BMPR1B: variants seen among roughly 807,000 people sequenced by gnomAD.
BMPR1B encodes the protein bone morphogenetic protein receptor type-1B.
In BMPR1B, 12 loss-of-function variants were observed where a neutral mutation model predicts 59.1. The ratio of observed to expected loss-of-function variants is 0.20; its 90% CI spans 0.13 to 0.33. The LOEUF (loss-of-function observed/expected upper bound fraction) is 0.33, where lower values mean the gene tolerates loss of function less well. Ranked by LOEUF, BMPR1B falls within the 10% of genes least tolerant of loss-of-function variation. The pLI is 1.00. For synonymous variants in BMPR1B, 237 were observed against 207.3 expected, an observed-to-expected ratio of 1.14 and a Z score of -1.23; for missense variants, 550 against 610.9, an observed-to-expected ratio of 0.90 and a Z score of 1.05.
At chr4:95,051,105 G>A (rs1355541188) in intron 3 of BMPR1B, among the ~76,000 whole-genome samples, 3 of 152,244 alleles carry the variant, frequency 2.0e-5, no homozygotes, top group African/African-American at 7.2e-5. Flanking sequence ...TCATATCTGT[G>A]CACTTGATTC....
At chr4:94,770,186 G>GTTTTTTTTT (rs56902521) in intron 1 of BMPR1B, among the ~76,000 whole-genome samples, 2 of 54,138 alleles carry the variant, frequency 3.7e-5, no homozygotes, top group African/African-American at 6.3e-5. Flanking sequence ...TTCTGTGTTT[G>GTTTTTTTTT]TTTTTTTTTT....
At chr4:94,760,609 C>T (rs1406262876) in intron 1 of BMPR1B, among the ~76,000 whole-genome samples, 1 of 152,190 alleles carries the variant, frequency 6.6e-6, no homozygotes, top group Non-Finnish European at 1.5e-5. Context: ...TTTTCAGAAG[C>T]CCCCTCACCA....
intron 3 of BMPR1B, among the ~76,000 whole-genome samples, chr4:95,098,444 C>T (rs1431909171): frequency 1.3e-5 from 2 of 152,058 alleles, no homozygotes; most frequent in Non-Finnish European, 2.9e-5. Context: ...GTATAAATAC[C>T]TTTGCATAAT....
intron 2 of BMPR1B, among the ~76,000 whole-genome samples, chr4:94,887,422 A>C (rs1176044955): frequency 6.7e-6 from 1 of 150,232 alleles, no homozygotes; most frequent in African/African-American, 2.4e-5. Flanking sequence ...AAAAAAAAAA[A>C]ACAAGAAGCA....
chr4:94,953,953 T>C (rs1246404099), intron 2 of BMPR1B, among the ~76,000 whole-genome samples: 1 of 152,190 alleles, frequency 6.6e-6, no homozygotes, highest in Non-Finnish European at 1.5e-5. Context: ...TTGGAGGCTT[T>C]GTTCATTCCT....
intron 2 of BMPR1B, among the ~76,000 whole-genome samples, chr4:94,993,847 C>T (rs1286164374): frequency 6.7e-6 from 1 of 150,086 alleles, no homozygotes; most frequent in East Asian, 1.9e-4. Flanking sequence ...TGTGAGGCAG[C>T]GAGATGGAAA....
intron 3 of BMPR1B, among the ~76,000 whole-genome samples, chr4:95,055,527 A>G (rs1726856727): frequency 6.6e-6 from 1 of 152,214 alleles, no homozygotes; most frequent in Non-Finnish European, 1.5e-5. Flanking sequence ...AATGTTTTCT[A>G]CTACAGCTAT....
At chr4:94,825,133 G>A (rs1261471213) in intron 1 of BMPR1B, among the ~76,000 whole-genome samples, 1 of 152,128 alleles carries the variant, frequency 6.6e-6, no homozygotes, top group Non-Finnish European at 1.5e-5. Context: ...TTGTGGATGG[G>A]AGTTCATCGC....
chr4:94,942,101 T>A lies in BMPR1B; in HGVS notation c.-112-53939T>A, dbSNP rs914870508. 4.6e-5 allele frequency among the ~76,000 whole-genome samples: 7 copies of A among 152,344 alleles called. 1 individual carries two copies. In the East Asian group the frequency reaches 1.3e-3, roughly 29 times the overall value. Reference sequence around the variant, plus strand: ...TAGAAGTGGCAGGTCTCAGATTGTTTTGCATGTAGCACTGGTACTGATAAG... The same window carrying A: ...TAGAAGTGGCAGGTCTCAGATTGTTATGCATGTAGCACTGGTACTGATAAG... On this transcript the variant is annotated intron_variant, in intron 2 of 12. Coordinates refer to ENST00000515059, the MANE Select transcript of BMPR1B (RefSeq NM_001203.3).
chr4:95,030,840 A>G (rs1191879338), intron 3 of BMPR1B, among the ~76,000 whole-genome samples: 1 of 152,226 alleles, frequency 6.6e-6, no homozygotes, highest in Non-Finnish European at 1.5e-5. Context: ...TTCAAGGAGA[A>G]CTACAAACCA....
intron 2 of BMPR1B, among the ~76,000 whole-genome samples, chr4:94,916,746 A>G (rs1053558622): frequency 6.6e-6 from 1 of 152,252 alleles, no homozygotes; most frequent in Non-Finnish European, 1.5e-5. Context: ...CTGCATAGCA[A>G]CCACTTGGGA....
intron 2 of BMPR1B, among the ~76,000 whole-genome samples, chr4:94,929,216 T>G (rs895956855): frequency 6.6e-6 from 1 of 152,098 alleles, no homozygotes; most frequent in African/African-American, 2.4e-5. Context: ...GTTAAACATT[T>G]GTTTGGTATT....
intron 2 of BMPR1B, among the ~76,000 whole-genome samples, chr4:94,901,592 A>G (rs1207758592): frequency 1.3e-5 from 2 of 151,980 alleles, no homozygotes; most frequent in Non-Finnish European, 2.9e-5. Flanking sequence ...AAATTGACTT[A>G]ATCAGTTCAA....
intron 1 of BMPR1B, among the ~76,000 whole-genome samples, chr4:94,770,669 C>T (rs1722152299): frequency 6.6e-6 from 1 of 151,978 alleles, no homozygotes; most frequent in South Asian, 2.1e-4. Flanking sequence ...CCAGCACCTT[C>T]CCTGTTTATG....
At chr4:95,085,745 A>G (rs546359664) in intron 3 of BMPR1B, among the ~76,000 whole-genome samples, 13 of 152,296 alleles carry the variant, frequency 8.5e-5, no homozygotes, top group African/African-American at 3.1e-4. Flanking sequence ...GCCGTGGTAT[A>G]TCCTGTTTTG....
chr4:94,813,783 T>A (rs1578673977), intron 1 of BMPR1B, among the ~76,000 whole-genome samples: 1 of 151,864 alleles, frequency 6.6e-6, no homozygotes, highest in East Asian at 1.9e-4. Context: ...GTGGTGGGGG[T>A]GCTGAGAAGT....
rs1217814033 is a variant in BMPR1B at position 95,157,153 on chromosome 4, T to C, written c.*2480T>C. 8 of 152,258 alleles carry C rather than the reference T, an allele frequency of 5.3e-5. No homozygotes were observed. The highest frequency in any genetic ancestry group is 4.6e-4 in the Admixed American group (7 of 15,296). The allele number at this position is 152,258 out of a possible 1,614,324, so 9.4% of individuals were successfully genotyped here. On this transcript the variant is annotated 3_prime_UTR_variant, in exon 13 of 13. Transcript: ENST00000515059. The stretch of plus-strand genomic sequence containing the variant: ...AATAGTCTTCAAACTTCTTCCTTAT[T>C]ATATTTGGTTGCTTTGGAAAAGATT...
At chr4:95,120,201 A>G (rs1732372424) in intron 6 of BMPR1B, among the ~76,000 whole-genome samples, 1 of 152,036 alleles carries the variant, frequency 6.6e-6, no homozygotes, top group Admixed American at 6.6e-5. Context: ...ATGTTATTTT[A>G]TTGTCTTTTA....
intron 2 of BMPR1B, among the ~76,000 whole-genome samples, chr4:94,959,046 T>A (rs1356605986): frequency 6.6e-6 from 1 of 152,062 alleles, no homozygotes; most frequent in South Asian, 2.1e-4. Flanking sequence ...AAGGTAGGTG[T>A]CAGTAGGATA....
Sources: gnomAD v4.1 joint callset for allele counts (sites outside exome capture counted in the v4.1 genomes callset) on GRCh38, gnomAD v4.1.1 for gene constraint, MANE v1.5 for transcripts, NCBI Gene and HGNC (gene_info 2026-07-23, HGNC 2026-07-21) for gene names.